FARSB: variants seen among roughly 807,000 people sequenced by gnomAD.
FARSB encodes the protein phenylalanine--tRNA ligase beta subunit.
A neutral mutation model predicts 69.6 loss-of-function variants in FARSB; 40 were observed. The ratio of observed to expected loss-of-function variants is 0.57; its 90% CI spans 0.45 to 0.75. The LOEUF (loss-of-function observed/expected upper bound fraction) is 0.75. Ranked by LOEUF, FARSB falls within the 30% of genes least tolerant of loss-of-function variation. The probability of loss-of-function intolerance (pLI) is 0.00; values close to 1 mark genes in which losing one functional copy is unlikely to be tolerated. For missense variants in FARSB, 632 were observed against 722.9 expected (o/e 0.87, Z 1.44); for synonymous variants, 235 against 247.2 (o/e 0.95, Z 0.46).
At chr2:222,636,786 C>T (rs1333632734) in intron 5 of FARSB, among the ~76,000 whole-genome samples, 1 of 152,118 alleles carries the variant, frequency 6.6e-6, no homozygotes, top group Non-Finnish European at 1.5e-5. Context: ...GAACAAAAAC[C>T]ACTCTTCAGA....
chr2:222,582,797 C>T (rs1690005944), intron 16 of FARSB, among the ~76,000 whole-genome samples: 1 of 151,788 alleles, frequency 6.6e-6, no homozygotes. Flanking sequence ...TGGTGGCAGG[C>T]ACCTGTAATC....
chr2:222,592,479 A>G (rs565868815), intron 16 of FARSB, among the ~76,000 whole-genome samples: 2 of 152,200 alleles, frequency 1.3e-5, no homozygotes, highest in East Asian at 3.9e-4. Flanking sequence ...CAATGCATAA[A>G]ACTGCTGATA....
At chr2:222,603,689 T>TAATTAATATTA (rs1402598252) in intron 15 of FARSB, among the ~76,000 whole-genome samples, 10 of 75,678 alleles carry the variant, frequency 1.3e-4, no homozygotes, top group Non-Finnish European at 3.1e-4. Context: ...ATATTATATA[T>TAATTAATATTA]TATTATATAT....
rs1691660626 is a variant in FARSB at position 222,639,450 on chromosome 2, AAAGG to A, written c.455+126_455+129del. ...ATTTGTAAAAAATCTGCAGAGGAAG[AAAGG>A]AAGGAGAGAGAGAGAAAGAAGGCAG... On this transcript the variant is annotated intron_variant, in intron 5 of 16. Coordinates refer to ENST00000281828, the MANE Select transcript of FARSB (RefSeq NM_005687.5). 10 of 446,832 alleles carry A rather than the reference AAAGG, an allele frequency of 2.2e-5. No individual in the cohort carries two copies. The South Asian group carries it at 5.1e-4, about 23-fold the overall frequency. 27.7% of individuals were successfully genotyped at this position (446,832 alleles called of 1,614,324 possible).
intron 15 of FARSB, among the ~76,000 whole-genome samples, chr2:222,603,673 AATATT>A (rs928369089): frequency 9.2e-5 from 12 of 130,550 alleles, no homozygotes; most frequent in East Asian, 2.1e-4. Flanking sequence ...TAATATAATT[AATATT>A]ATATTATATA....
intron 15 of FARSB, among the ~76,000 whole-genome samples, chr2:222,605,767 A>T (rs576402604): frequency 5.9e-4 from 90 of 152,006 alleles, no homozygotes; most frequent in African/African-American, 1.9e-3. Context: ...TAAATTATTT[A>T]AAAAAATGTA....
At position 222,628,044 on chromosome 2, in the gene FARSB, C is replaced by T. The variant is rs140908136; in HGVS notation, c.900+793G>A. On this transcript the variant is annotated intron_variant, in intron 10 of 16. Transcript: ENST00000281828. ...GTTTAGATTTTTTACCAAGATCTTA[C>T]GCTTGAAAATAACTATGTGGTTACT... Among the ~76,000 whole-genome samples the T allele has an allele frequency of 7.1e-3, 1,076 of 152,274 alleles. 12 individuals carry two copies. Among genetic ancestry groups the T allele is most frequent in the African/African-American group, 0.024 (1,010 of 41,556 alleles).
intron 10 of FARSB, among the ~76,000 whole-genome samples, chr2:222,626,896 C>A (rs540377179): frequency 2.0e-5 from 3 of 151,928 alleles, no homozygotes; most frequent in African/African-American, 7.2e-5. Context: ...ATTAGCCGGG[C>A]GTGGTGACGG....
intron 1 of FARSB, among the ~76,000 whole-genome samples, chr2:222,652,079 C>T (rs1379264148): frequency 6.6e-6 from 1 of 152,200 alleles, no homozygotes; most frequent in Non-Finnish European, 1.5e-5. Context: ...ATGCCCATCC[C>T]ACCACTGTAT....
intron 1 of FARSB, among the ~76,000 whole-genome samples, chr2:222,650,532 G>C (rs555366919): frequency 1.3e-5 from 2 of 152,344 alleles, no homozygotes; most frequent in East Asian, 3.9e-4. Context: ...ATGGGAGGTA[G>C]GAATAGGGAG....
intron 16 of FARSB, among the ~76,000 whole-genome samples, chr2:222,598,847 A>G (rs776071528): frequency 1.3e-5 from 2 of 152,116 alleles, no homozygotes; most frequent in East Asian, 3.9e-4. Flanking sequence ...TCTAACATCT[A>G]GAACTCCACA....
In FARSB at chr2:222,570,380, G is replaced by A. The variant is rs1689695430; in HGVS notation, c.*1491C>T. On this transcript the variant is annotated 3_prime_UTR_variant, in exon 17 of 17. Coordinates refer to ENST00000281828, the MANE Select transcript of FARSB (RefSeq NM_005687.5). The stretch of plus-strand genomic sequence containing the variant: ...TAACAGAGCTGTGAAGGGTCAGCTG[G>A]AAGTGTGTGTGTTCACAAATCTTAC... Among the ~76,000 whole-genome samples the A allele has an allele frequency of 6.6e-6, 1 of 152,190 alleles. No homozygotes were observed. Among genetic ancestry groups the A allele is most frequent in the South Asian group, 2.1e-4 (1 of 4,838 alleles).
At position 222,633,238 on chromosome 2, in the gene FARSB, T is replaced by C; in HGVS notation, c.676A>G (p.Ser226Gly). The C allele has an allele frequency of 1.3e-6, 2 of 1,583,350 alleles. No homozygotes were observed. Among genetic ancestry groups the C allele is most frequent in the Non-Finnish European group, 1.7e-6 (2 of 1,154,336 alleles). ...NKPLYPVIYD[S>G]NGVVLSMPPI... ...GGCATTGAAAGGACGACACCATTGC[T>C]ATCATAGATAACTGGATACAGGGGT... The change falls in exon 7 of 17, where the codon AGC (serine) becomes GGC (glycine). Residue 226 changes from serine to glycine, a missense_variant. Ser to Gly is a moderately conservative substitution (Grantham distance 56). Transcript: ENST00000281828.
chr2:222,605,061 A>G (rs371586762), intron 15 of FARSB, among the ~76,000 whole-genome samples: 3 of 152,152 alleles, frequency 2.0e-5, no homozygotes, highest in East Asian at 3.9e-4. Context: ...TCTAAAAGCT[A>G]TAAGTCGACA....
Position 222,616,608 on chromosome 2 carries a change from G to T in FARSB, c.1345-2680C>A, listed in dbSNP as rs911645068. On this transcript the variant is annotated intron_variant, in intron 14 of 16. Coordinates refer to ENST00000281828, the MANE Select transcript of FARSB (RefSeq NM_005687.5). ...CTAAAACAATGACTGGATATGTGAG[G>T]TGATTAAGGAATATTATTGTTAATT... 8.8e-4 allele frequency among the ~76,000 whole-genome samples: 133 copies of T among 151,732 alleles called. 1 individual carries two copies. Among genetic ancestry groups the T allele is most frequent in the African/African-American group, 3.0e-3 (126 of 41,314 alleles).
At chr2:222,637,189 T>C (rs1290896166) in intron 5 of FARSB, among the ~76,000 whole-genome samples, 1 of 151,884 alleles carries the variant, frequency 6.6e-6, no homozygotes, top group Non-Finnish European at 1.5e-5. Context: ...GCAAAATATA[T>C]GGAGCAATAG....
chr2:222,629,720 T>C (rs1297088882), intron 9 of FARSB, among the ~76,000 whole-genome samples: 1 of 152,210 alleles, frequency 6.6e-6, no homozygotes, highest in African/African-American at 2.4e-5. Flanking sequence ...AGGAACCACA[T>C]TTTTAATCTT....
chr2:222,624,195 G>A, intron 12 of FARSB, 77 bp downstream of exon 12: 1 of 964,634 alleles, frequency 1.0e-6, no homozygotes, highest in Non-Finnish European at 1.7e-6. Flanking sequence ...CCTACGTTCT[G>A]TTTTCTCGAA....
chr2:222,648,096 G>C (rs1431724178), intron 2 of FARSB, among the ~76,000 whole-genome samples: 3 of 152,096 alleles, frequency 2.0e-5, no homozygotes, highest in African/African-American at 7.2e-5. Flanking sequence ...CGCGAGGAAG[G>C]ACTCAGACCC....
Sources: allele counts gnomAD v4.1 joint callset (sites outside exome capture counted in the v4.1 genomes callset), GRCh38; gene constraint gnomAD v4.1.1; transcripts MANE v1.5; gene names NCBI Gene and HGNC (gene_info 2026-07-23, HGNC 2026-07-21).